Variants in PTPRA observed in about 807,000 individuals in gnomAD.
PTPRA encodes the protein protein tyrosine phosphatase receptor type A, also known as receptor-type tyrosine-protein phosphatase alpha.
PTPRA carries 25 observed loss-of-function variants against 104.8 expected under a neutral mutation model. That is an observed-to-expected ratio of 0.24 (90% CI 0.17 to 0.33). The LOEUF is 0.33. Ranked by LOEUF, PTPRA falls within the 10% of genes least tolerant of loss-of-function variation. PTPRA has a pLI of 1.00. For synonymous variants in PTPRA, 323 were observed against 368.9 expected, an observed-to-expected ratio of 0.88 and a Z score of 1.43; for missense variants, 765 against 1,015.3, an observed-to-expected ratio of 0.75 and a Z score of 3.35.
At chr20:3,032,727 C>T (rs565289514) in intron 20 of PTPRA, among the ~76,000 whole-genome samples, 16 of 150,536 alleles carry the variant, frequency 1.1e-4, no homozygotes, top group Non-Finnish European at 1.9e-4. Flanking sequence ...GATCGCGCCA[C>T]TGCATTCCAG....
chr20:2,865,381 A>G, the PTPRA span: 1 of 1,614,042 alleles, frequency 6.2e-7, no homozygotes, highest in Non-Finnish European at 8.5e-7. This position sits in a 1 kb window ranked among gnomAD's most constrained non-coding sequence, Gnocchi z 5.2. Context: ...AACACCTCCA[A>G]GCCCAGCTTT....
chr20:2,970,106 CTTTG>C (rs1416207125), intron 5 of PTPRA, among the ~76,000 whole-genome samples: 2 of 151,978 alleles, frequency 1.3e-5, no homozygotes, highest in Non-Finnish European at 2.9e-5. Flanking sequence ...CATACTTGCT[CTTTG>C]TTTTAGTAAA....
chr20:2,998,496 T>A (rs1312703234), intron 9 of PTPRA, among the ~76,000 whole-genome samples: 1 of 152,186 alleles, frequency 6.6e-6, no homozygotes, highest in East Asian at 1.9e-4. Context: ...AATTCCACTG[T>A]CCAGAGAGTT....
chr20:3,036,166 G>T (rs2065789860), intron 22 of PTPRA, among the ~76,000 whole-genome samples: 1 of 152,188 alleles, frequency 6.6e-6, no homozygotes, highest in Non-Finnish European at 1.5e-5. Context: ...CAGATAGTGG[G>T]CAGGAGAGCA....
At chr20:2,966,637 G>C (rs1311932045) in intron 5 of PTPRA, among the ~76,000 whole-genome samples, 1 of 152,192 alleles carries the variant, frequency 6.6e-6, no homozygotes, top group Non-Finnish European at 1.5e-5. Context: ...CTGTGTGCTA[G>C]GCATCGTACT....
intron 9 of PTPRA, 129 bp from the exon 10 acceptor site, chr20:3,004,927 C>T: frequency 1.3e-6 from 1 of 789,670 alleles, no homozygotes; most frequent in Non-Finnish European, 2.1e-6. Context: ...TGCAGGTATT[C>T]ACCTGGGCCC....
chr20:2,900,192 C>G (rs1021186247), intron 1 of PTPRA, among the ~76,000 whole-genome samples: 8 of 151,956 alleles, frequency 5.3e-5, no homozygotes, highest in African/African-American at 1.7e-4. Context: ...GGGTCTTGCC[C>G]TGTCACCCAG....
chr20:2,864,217 C>T, the PTPRA span: 1 of 1,614,200 alleles, frequency 6.2e-7, no homozygotes, highest in Non-Finnish European at 8.5e-7. This position sits in a 1 kb window ranked among gnomAD's most constrained non-coding sequence, Gnocchi z 5.2. Context: ...AGCAGGTACC[C>T]CTTCTCCTAA....
intron 11 of PTPRA, among the ~76,000 whole-genome samples, chr20:3,012,122 C>T (rs961839740): frequency 3.9e-5 from 6 of 152,276 alleles, no homozygotes; most frequent in African/African-American, 1.2e-4. Context: ...CTAAGTGAAC[C>T]ACCTAATAGT....
At chr20:3,015,621 A>C (rs986287586) in intron 11 of PTPRA, among the ~76,000 whole-genome samples, 5 of 152,082 alleles carry the variant, frequency 3.3e-5, no homozygotes, top group Non-Finnish European at 5.9e-5. Context: ...TTCTTATTCT[A>C]GTATTTATTA....
chr20:2,975,341 C>A, intron 6 of PTPRA, 100 bp downstream of exon 6: 1 of 1,091,614 alleles, frequency 9.2e-7, no homozygotes, highest in Non-Finnish European at 1.3e-6. Context: ...GCATCTGTGG[C>A]TGTGTTGTTT....
intron 2 of PTPRA, among the ~76,000 whole-genome samples, chr20:2,925,024 A>G (rs2060244728): frequency 2.6e-5 from 4 of 152,178 alleles, no homozygotes; most frequent in South Asian, 4.1e-4. Flanking sequence ...TACTTTTCTC[A>G]TGGTAAAATA....
intron 6 of PTPRA, among the ~76,000 whole-genome samples, chr20:2,983,734 G>T (rs2062787122): frequency 6.6e-6 from 1 of 152,140 alleles, no homozygotes; most frequent in Non-Finnish European, 1.5e-5. Context: ...ACTAGCTACT[G>T]AATGGTGAGG....
At chr20:2,864,474 G>C in the PTPRA span, 1 of 1,614,124 alleles carries the variant, frequency 6.2e-7, no homozygotes, top group Admixed American at 1.7e-5. The surrounding 1 kb of genome is among the most constrained non-coding windows in gnomAD (Gnocchi z 5.2). Context: ...TGTGTGTAGT[G>C]GGCAGGGTTG....
rs534255921 is a variant in PTPRA at position 2,924,189 on chromosome 20, G to A, written c.-50+904G>A. 5.3e-5 allele frequency among the ~76,000 whole-genome samples: 8 copies of A among 152,204 alleles called. No individual in the cohort carries two copies. In the South Asian group the frequency reaches 8.3e-4, roughly 16 times the overall value. ...ATCTAAGCACTTGGGAGGCTAAGGC[G>A]GGCAGATCAGTTGACCAGCCTGGTC... On this transcript the variant is annotated intron_variant, in intron 2 of 23. Coordinates refer to ENST00000399903, the MANE Select transcript of PTPRA (RefSeq NM_001385305.1).
intron 6 of PTPRA, among the ~76,000 whole-genome samples, chr20:2,979,640 C>CCT (rs903877576): frequency 6.6e-6 from 1 of 152,170 alleles, no homozygotes; most frequent in African/African-American, 2.4e-5. Context: ...GATCCTCCAG[C>CCT]CTCAGCCTCC....
intron 2 of PTPRA, among the ~76,000 whole-genome samples, chr20:2,943,858 A>C (rs1205909524): frequency 6.6e-6 from 1 of 152,208 alleles, no homozygotes. Context: ...TTAATACTTA[A>C]GTATTATGAT....
upstream of PTPRA, among the ~76,000 whole-genome samples, chr20:2,868,540 G>T (rs1050892057): frequency 1.4e-5 from 2 of 146,094 alleles, no homozygotes; most frequent in Admixed American, 6.9e-5. Context: ...ATCTGGCACA[G>T]CCCATCAGCT....
chr20:3,020,028 C>A (rs73608103), intron 13 of PTPRA, among the ~76,000 whole-genome samples: 22 of 152,008 alleles, frequency 1.4e-4, no homozygotes, highest in African/African-American at 2.9e-4. Context: ...GCAGCAGTAC[C>A]GTCCAGCTTC....
Sources: gnomAD v4.1 joint callset for allele counts (sites outside exome capture counted in the v4.1 genomes callset) on GRCh38, gnomAD v4.1.1 for gene constraint, Gnocchi (gnomAD v3.1) non-coding constraint, MANE v1.5 for transcripts, NCBI Gene and HGNC (gene_info 2026-07-23, HGNC 2026-07-21) for gene names.